Variants in CACHD1 observed in about 807,000 individuals in gnomAD.
CACHD1 encodes cache domain containing 1.
Under a neutral mutation model 138.7 loss-of-function variants are expected in CACHD1, and 71 were observed. The observed-to-expected ratio is 0.51, with a 90% confidence interval of 0.42 to 0.62. The LOEUF (loss-of-function observed/expected upper bound fraction) is 0.62. Ranked by LOEUF, CACHD1 falls within the 20% of genes least tolerant of loss-of-function variation. The pLI is 0.00. For synonymous variants in CACHD1, 578 were observed against 591.5 expected (o/e 0.98, Z 0.33); for missense variants, 1,389 against 1,625.3 (o/e 0.85, Z 2.50).
rs879503347 is a variant in CACHD1, at chr1:64,576,494, G to GA, written c.262-5649dup. On this transcript the variant is annotated intron_variant, in intron 2 of 26. Coordinates refer to ENST00000651257, the MANE Select transcript of CACHD1 (RefSeq NM_020925.4). Reference sequence around the variant, plus strand: ...TAACAGAGATTCCTTTTAGAGGGAAGAAAAAAAAAAAAAGACGCGATAGTG... The same window carrying GA: ...TAACAGAGATTCCTTTTAGAGGGAAGAAAAAAAAAAAAAAGACGCGATAGTG... 9.7e-3 allele frequency among the ~76,000 whole-genome samples: 1,332 copies of GA among 137,982 alleles called. 20 individuals carry two copies. The highest frequency in any genetic ancestry group is 0.03 in the African/African-American group (1,122 of 37,744). The allele number at this position is 137,982 out of a possible 152,430, so 90.5% of individuals were successfully genotyped here.
At chr1:64,630,938 C>T (rs1478518199) in intron 5 of CACHD1, among the ~76,000 whole-genome samples, 2 of 152,198 alleles carry the variant, frequency 1.3e-5, no homozygotes, top group African/African-American at 4.8e-5. Context: ...ATCCACATTT[C>T]TCTCTGATAG....
intron 1 of CACHD1, among the ~76,000 whole-genome samples, chr1:64,525,322 G>A (rs866802939): frequency 6.6e-6 from 1 of 152,058 alleles, no homozygotes; most frequent in Non-Finnish European, 1.5e-5. Context: ...AGTTGCAAAA[G>A]AATTTCTCAA....
intron 2 of CACHD1, among the ~76,000 whole-genome samples, chr1:64,553,591 C>G (rs147123251): frequency 6.6e-6 from 1 of 152,102 alleles, no homozygotes; most frequent in Admixed American, 6.6e-5. Context: ...TATATGGAGA[C>G]GTGTAAAACA....
intron 1 of CACHD1, among the ~76,000 whole-genome samples, chr1:64,487,384 G>C (rs1440560972): frequency 6.6e-6 from 1 of 152,130 alleles, no homozygotes; most frequent in Non-Finnish European, 1.5e-5. Context: ...TTGGACCTTA[G>C]TGGAATACAA....
intron 12 of CACHD1, among the ~76,000 whole-genome samples, 200 bp from the exon 13 acceptor site, chr1:64,658,505 C>T (rs1649337435): frequency 6.6e-6 from 1 of 152,118 alleles, no homozygotes; most frequent in South Asian, 2.1e-4. Context: ...GTCTCCTCAA[C>T]AAGAAAAGAA....
At chr1:64,486,383 CACACACACAT>C (rs1276896072) in intron 1 of CACHD1, among the ~76,000 whole-genome samples, 1 of 151,082 alleles carries the variant, frequency 6.6e-6, no homozygotes, top group African/African-American at 2.4e-5. Context: ...CACACACACA[CACACACACAT>C]ACACATACAC....
At chr1:64,480,536 T>C (rs1324686313) in intron 1 of CACHD1, among the ~76,000 whole-genome samples, 1 of 152,196 alleles carries the variant, frequency 6.6e-6, no homozygotes, top group South Asian at 2.1e-4. Context: ...GTTAAATACC[T>C]AGAAGTCAGT....
intron 25 of CACHD1, 46 bp downstream of exon 25, chr1:64,681,381 A>T: frequency 7.1e-7 from 1 of 1,407,568 alleles, no homozygotes; most frequent in Non-Finnish European, 1.0e-6. Flanking sequence ...GCAGGAGGCT[A>T]ATCCAGAATA....
intron 2 of CACHD1, among the ~76,000 whole-genome samples, chr1:64,580,247 A>G (rs577367506): frequency 1.4e-4 from 22 of 152,224 alleles, no homozygotes; most frequent in African/African-American, 5.3e-4. Context: ...TTCCCTGATA[A>G]GTTATCATTT....
chr1:64,653,731 A>G, intron 10 of CACHD1, 27 bp from the exon 11 acceptor site: 5 of 1,603,326 alleles, frequency 3.1e-6, no homozygotes, highest in Non-Finnish European at 4.3e-6. Context: ...GTTTCTTATT[A>G]ACATGCATTT....
chr1:64,640,411 C>T (rs1174815160), intron 7 of CACHD1, among the ~76,000 whole-genome samples: 2 of 149,296 alleles, frequency 1.3e-5, no homozygotes, highest in African/African-American at 5.2e-5. Flanking sequence ...CGTGGTGGCT[C>T]ACGCCTGTAA....
At chr1:64,650,259 G>T (rs149813282) in intron 9 of CACHD1, among the ~76,000 whole-genome samples, 17 of 152,226 alleles carry the variant, frequency 1.1e-4, no homozygotes, top group Admixed American at 1.0e-3. Context: ...AAGCGAGCAG[G>T]CATCTCAGTC....
intron 4 of CACHD1, among the ~76,000 whole-genome samples, chr1:64,619,505 A>G (rs964625044): frequency 1.9e-4 from 29 of 152,136 alleles, no homozygotes; most frequent in African/African-American, 6.5e-4. Context: ...ATTTTATGAT[A>G]TTACTTTGTC....
Position 64,676,948 on chromosome 1 carries a change from C to A in CACHD1, c.3029C>A (p.Pro1010His). The A allele has an allele frequency of 6.2e-7, 1 of 1,614,068 alleles. No individual in the cohort carries two copies. Among genetic ancestry groups the A allele is most frequent in the Non-Finnish European group, 8.5e-7 (1 of 1,179,962 alleles). Residue 1010 changes from proline to histidine, a missense_variant, in exon 22 of 27, where the codon CCT becomes CAT. Pro to His is a moderately conservative substitution (Grantham distance 77). This residue lies in a region of CACHD1 where 250 missense variants were observed against 292.9 expected (regional missense o/e 0.85). Coordinates refer to ENST00000651257, the MANE Select transcript of CACHD1 (RefSeq NM_020925.4). ...CCGGTGACATACACAGCTATTGACC[C>A]TGGCCTGCAAGATGCTCTTCACCAG... ...QEPVTYTAIDPGLQDALHQCV... is the reference protein window; with the variant it reads ...QEPVTYTAIDHGLQDALHQCV...
intron 1 of CACHD1, among the ~76,000 whole-genome samples, chr1:64,538,132 T>G (rs1646648353): frequency 6.6e-6 from 1 of 152,196 alleles, no homozygotes; most frequent in South Asian, 2.1e-4. Context: ...ACAGGCACCC[T>G]GGCTGTGACA....
intron 5 of CACHD1, among the ~76,000 whole-genome samples, chr1:64,630,419 G>C (rs1426320239): frequency 6.6e-6 from 1 of 151,598 alleles, no homozygotes; most frequent in Non-Finnish European, 1.5e-5. Context: ...TCCTGCCTCA[G>C]CCTGCCGAGT....
At chr1:64,645,452 A>G (rs1256720100) in intron 8 of CACHD1, among the ~76,000 whole-genome samples, 1 of 152,178 alleles carries the variant, frequency 6.6e-6, no homozygotes, top group Non-Finnish European at 1.5e-5. Flanking sequence ...CACCATAAAT[A>G]TATACACCTG....
rs562445171 is a variant in CACHD1 at position 64,507,193 on chromosome 1, C to T, written c.198+36251C>T. Among the ~76,000 whole-genome samples the T allele has an allele frequency of 1.8e-4, 27 of 152,312 alleles. No individual in the cohort carries two copies. The East Asian group carries it at 4.8e-3, about 27-fold the overall frequency. On this transcript the variant is annotated intron_variant, in intron 1 of 26. Transcript: ENST00000651257. ...ACTGACTTTAGGATCACAGCTACCT[C>T]CCCGGAACCTCTCCTCATTTCTCCC...
chr1:64,524,033 A>T (rs1646518360), intron 1 of CACHD1, among the ~76,000 whole-genome samples: 1 of 152,138 alleles, frequency 6.6e-6, no homozygotes, highest in Non-Finnish European at 1.5e-5. Context: ...CTGTACAAAA[A>T]AAAAAGAGAC....
Sources: gnomAD v4.1 joint callset for allele counts (sites outside exome capture counted in the v4.1 genomes callset) on GRCh38, gnomAD v4.1.1 for gene constraint, gnomAD v4.1.1 regional missense constraint, MANE v1.5 for transcripts, NCBI Gene and HGNC (gene_info 2026-07-23, HGNC 2026-07-21) for gene names.